Variants in TTC28 observed in about 807,000 individuals in gnomAD.
TTC28 encodes the protein tetratricopeptide repeat domain 28, also known as tetratricopeptide repeat protein 28.
In TTC28, 61 loss-of-function variants were observed where a neutral mutation model predicts 198.0. That is an observed-to-expected ratio of 0.31 (90% confidence interval 0.25 to 0.38). TTC28 has a LOEUF of 0.38. Ranked by LOEUF, TTC28 falls within the 10% of genes least tolerant of loss-of-function variation. TTC28 has a pLI of 1.00. For synonymous variants in TTC28, 1,171 were observed against 1,297.8 expected (o/e 0.90, Z 2.10); for missense variants, 2,678 against 3,164.0 (o/e 0.85, Z 3.69).
At chr22:28,602,276 A>G (rs923265906) in intron 2 of TTC28, among the ~76,000 whole-genome samples, 2 of 152,220 alleles carry the variant, frequency 1.3e-5, no homozygotes, top group African/African-American at 2.4e-5. Flanking sequence ...CTGCAGCTTA[A>G]CTATCTAAAC....
At chr22:28,233,867 T>C (rs1929013469) in intron 5 of TTC28, among the ~76,000 whole-genome samples, 1 of 150,980 alleles carries the variant, frequency 6.6e-6, no homozygotes, top group African/African-American at 2.4e-5. Flanking sequence ...GCCTCCTGAG[T>C]AGCTGGGACT....
intron 12 of TTC28, among the ~76,000 whole-genome samples, chr22:28,071,749 A>AAAAAAAAAAAAAAAAAAAAAAAAC: frequency 9.3e-6 from 1 of 107,456 alleles, no homozygotes; most frequent in African/African-American, 4.3e-5. Flanking sequence ...AAAAAAAAGG[A>AAAAAAAAAAAAAAAAAAAAAAAAC]AAAAAAAAAA....
chr22:28,090,231 C>T (rs1941771880), intron 12 of TTC28, among the ~76,000 whole-genome samples: 1 of 151,840 alleles, frequency 6.6e-6, no homozygotes, highest in Non-Finnish European at 1.5e-5. Context: ...ATAATCACCA[C>T]TAAAATATAG....
intron 2 of TTC28, among the ~76,000 whole-genome samples, chr22:28,530,855 A>G (rs540420057): frequency 8.5e-5 from 13 of 152,348 alleles, no homozygotes; most frequent in Admixed American, 7.8e-4. Context: ...AGACAAGCAA[A>G]TGCTGAGAGA....
intron 12 of TTC28, among the ~76,000 whole-genome samples, chr22:28,079,900 A>G (rs547067204): frequency 6.6e-6 from 1 of 152,124 alleles, no homozygotes; most frequent in African/African-American, 2.4e-5. Flanking sequence ...CTAGTTTTAA[A>G]AATTTTTTTG....
chr22:28,121,746 A>C (rs1942792414), intron 6 of TTC28, among the ~76,000 whole-genome samples: 1 of 152,228 alleles, frequency 6.6e-6, no homozygotes, highest in African/African-American at 2.4e-5. Flanking sequence ...GGGGCTAGAA[A>C]GCCAAGTATT....
chr22:28,533,559 C>A (rs565210087), intron 2 of TTC28, among the ~76,000 whole-genome samples: 2 of 152,272 alleles, frequency 1.3e-5, no homozygotes, highest in South Asian at 2.1e-4. Flanking sequence ...AAAAAAACTT[C>A]TTTAAAGCTC....
chr22:28,235,356 C>T (rs1287463175), intron 5 of TTC28, among the ~76,000 whole-genome samples: 1 of 152,212 alleles, frequency 6.6e-6, no homozygotes, highest in Non-Finnish European at 1.5e-5. Flanking sequence ...CACTAAAACT[C>T]TGTAGTAATC....
chr22:28,631,469 G>C (rs2051172549), intron 1 of TTC28, among the ~76,000 whole-genome samples: 3 of 152,178 alleles, frequency 2.0e-5, no homozygotes, highest in African/African-American at 7.2e-5. Context: ...TATAGCAGCA[G>C]TGCAGTGACC....
chr22:28,341,977 G>A (rs371357546), intron 2 of TTC28, among the ~76,000 whole-genome samples: 2 of 151,668 alleles, frequency 1.3e-5, no homozygotes, highest in Non-Finnish European at 1.5e-5. Context: ...AGATCCTGTC[G>A]CTTAAAAAAA....
At chr22:28,399,259 C>A (rs1468931910) in intron 2 of TTC28, among the ~76,000 whole-genome samples, 1 of 151,934 alleles carries the variant, frequency 6.6e-6, no homozygotes, top group Non-Finnish European at 1.5e-5. Context: ...ACTCCAGCTA[C>A]CCAGCTCATT....
chr22:28,032,200 T>C (rs1174468274), intron 12 of TTC28, among the ~76,000 whole-genome samples: 1 of 113,758 alleles, frequency 8.8e-6, no homozygotes, highest in Admixed American at 9.7e-5. Context: ...AATATATATA[T>C]ATAAAATATA....
chr22:28,144,952 G>A (rs565640678), intron 6 of TTC28, among the ~76,000 whole-genome samples: 8 of 152,350 alleles, frequency 5.3e-5, no homozygotes, highest in Admixed American at 3.3e-4. Flanking sequence ...GAAGTTGGGA[G>A]GAACCTGATG....
At chr22:28,653,264 G>A (rs1217786583) in intron 1 of TTC28, among the ~76,000 whole-genome samples, 1 of 152,154 alleles carries the variant, frequency 6.6e-6, no homozygotes, top group Non-Finnish European at 1.5e-5. Context: ...AGCACTTTGG[G>A]AGGCCAAGGC....
chr22:28,220,123 C>T (rs942207205), intron 5 of TTC28, among the ~76,000 whole-genome samples: 2 of 152,162 alleles, frequency 1.3e-5, no homozygotes, highest in African/African-American at 4.8e-5. Context: ...ATAGCAATTT[C>T]CCATTTCCTT....
chr22:28,246,835 T>A (rs1930138791), intron 5 of TTC28, among the ~76,000 whole-genome samples: 1 of 152,138 alleles, frequency 6.6e-6, no homozygotes, highest in South Asian at 2.1e-4. Flanking sequence ...CCCAGCATCA[T>A]AAATTCGTAA....
At chr22:28,023,709 G>A (rs961036168) in intron 13 of TTC28, among the ~76,000 whole-genome samples, 1 of 152,180 alleles carries the variant, frequency 6.6e-6, no homozygotes, top group Non-Finnish European at 1.5e-5. Context: ...TGTCATGGGA[G>A]GAATTCAGGC....
At chr22:28,170,039 G>A (rs1272679072) in intron 5 of TTC28, among the ~76,000 whole-genome samples, 1 of 151,914 alleles carries the variant, frequency 6.6e-6, no homozygotes, top group African/African-American at 2.4e-5. Flanking sequence ...AAAAACAATG[G>A]TACTTTAATC....
intron 2 of TTC28, among the ~76,000 whole-genome samples, chr22:28,627,379 T>C (rs567215538): frequency 2.0e-5 from 3 of 152,216 alleles, no homozygotes; most frequent in South Asian, 4.1e-4. Context: ...CCTAGGTTTA[T>C]GCTTTGAAAA....
Sources: gnomAD v4.1 joint callset for allele counts (sites outside exome capture counted in the v4.1 genomes callset) on GRCh38, gnomAD v4.1.1 for gene constraint, MANE v1.5 for transcripts, NCBI Gene and HGNC (gene_info 2026-07-23, HGNC 2026-07-21) for gene names.